PHEX: variants seen among roughly 807,000 people sequenced by gnomAD.
The protein encoded by PHEX is phosphate-regulating neutral endopeptidase PHEX.
PHEX carries 16 observed loss-of-function variants against 68.0 expected under a neutral mutation model. The observed-to-expected ratio is 0.24, with a 90% CI of 0.16 to 0.36. The LOEUF is 0.36. PHEX is among the 10% of genes least tolerant of loss of function. PHEX has a pLI of 1.00. For missense variants in PHEX, 480 were observed against 575.5 expected (o/e 0.83, Z 1.70); for synonymous variants, 208 against 205.1 (o/e 1.01, Z -0.12).
chrX:22,113,698 C>T lies in PHEX; in HGVS notation c.1174-760C>T, dbSNP rs756114749. On this transcript the variant is annotated intron_variant, in intron 10 of 21. Transcript: ENST00000379374. ...GGTCTGCCTTGTTGAGTGTGCTACTCGGAGCAAGGAAACCCTCACTGGGCA... is the reference window on the plus strand; with the variant it reads ...GGTCTGCCTTGTTGAGTGTGCTACTTGGAGCAAGGAAACCCTCACTGGGCA... Among the ~76,000 whole-genome samples the T allele has an allele frequency of 5.9e-4, 65 of 110,602 alleles. No homozygotes were observed. The South Asian group carries it at 0.022, about 38-fold the overall frequency.
intron 12 of PHEX, among the ~76,000 whole-genome samples, chrX:22,146,246 C>T (rs1317045322): frequency 2.7e-5 from 3 of 112,152 alleles, no homozygotes; most frequent in East Asian, 5.6e-4. Flanking sequence ...AGGGTAGCAC[C>T]TTACTAACTT....
At chrX:22,211,726 C>T (rs1226515038) in intron 15 of PHEX, among the ~76,000 whole-genome samples, 4 of 112,321 alleles carry the variant, frequency 3.6e-5, no homozygotes. Context: ...TAAAGACATA[C>T]CTGAGACTGG....
intron 15 of PHEX, among the ~76,000 whole-genome samples, chrX:22,200,581 T>C (rs7064385): frequency 1.9e-3 from 207 of 110,507 alleles, no homozygotes; most frequent in African/African-American, 6.5e-3. Context: ...TGTACTCCAG[T>C]CTGGGTGACA....
chrX:22,169,021 G>C (rs1404504142), intron 13 of PHEX, among the ~76,000 whole-genome samples: 2 of 111,462 alleles, frequency 1.8e-5, no homozygotes. Context: ...AAATAGTTCT[G>C]ATAAGTGATT....
intron 20 of PHEX, among the ~76,000 whole-genome samples, chrX:22,241,566 C>T (rs905946493): frequency 1.8e-5 from 2 of 110,999 alleles, no homozygotes; most frequent in South Asian, 3.8e-4. Context: ...ATGAAATAGA[C>T]GCAATAAAAA....
At chrX:22,122,007 G>C (rs1436468017) in intron 11 of PHEX, among the ~76,000 whole-genome samples, 1 of 111,725 alleles carries the variant, frequency 9.0e-6, no homozygotes, top group East Asian at 2.8e-4. Context: ...AGTGAGCTAA[G>C]ATAATTGAAT....
rs6633506 is a variant in PHEX, at chrX:22,033,628, T to C, written c.118+505T>C. Among the ~76,000 whole-genome samples, 674 of 112,280 alleles carry C rather than the reference T, an allele frequency of 6.0e-3. 7 individuals carry two copies. Among genetic ancestry groups the C allele is most frequent in the African/African-American group, 0.021 (635 of 30,930 alleles). On this transcript the variant is annotated intron_variant, in intron 1 of 21. Transcript: ENST00000379374. ...TTAATGATATTCTTCAATTCCTTTC[T>C]TATCCAGTGACTCTGGTGAGATGCA...
intron 15 of PHEX, among the ~76,000 whole-genome samples, chrX:22,197,435 C>G (rs1934401210): frequency 9.0e-6 from 1 of 110,939 alleles, no homozygotes; most frequent in Non-Finnish European, 1.9e-5. Flanking sequence ...ATAATGTTCA[C>G]TCTGGGGGAA....
chrX:22,154,898 T>C (rs1932916822), intron 12 of PHEX, among the ~76,000 whole-genome samples: 1 of 111,999 alleles, frequency 8.9e-6, no homozygotes, highest in African/African-American at 3.2e-5. Flanking sequence ...AAAAATGATA[T>C]GAAAATTCCC....
At chrX:22,206,546 A>G (rs1347975740) in intron 15 of PHEX, among the ~76,000 whole-genome samples, 1 of 111,608 alleles carries the variant, frequency 9.0e-6, no homozygotes, top group Admixed American at 9.6e-5. Context: ...GGTAAGTGTT[A>G]CGATGAGTTA....
intron 13 of PHEX, among the ~76,000 whole-genome samples, chrX:22,169,616 A>T (rs1933454298): frequency 8.9e-6 from 1 of 111,854 alleles, no homozygotes; most frequent in Non-Finnish European, 1.9e-5. Context: ...GGGATTCTTG[A>T]GGGTCCTTTT....
chrX:22,209,958 AAT>A (rs200498959), intron 15 of PHEX, among the ~76,000 whole-genome samples: 5 of 109,145 alleles, frequency 4.6e-5, no homozygotes, highest in African/African-American at 1.7e-4. Flanking sequence ...AAAAAAAATA[AAT>A]AAATAAAAAT....
chrX:22,127,052 A>G (rs2147078872), intron 11 of PHEX, among the ~76,000 whole-genome samples: 1 of 108,143 alleles, frequency 9.2e-6, no homozygotes, highest in Admixed American at 9.9e-5. Flanking sequence ...TTGTATTTTT[A>G]GTAGAGACAG....
intron 1 of PHEX, 27 bp downstream of exon 1, chrX:22,033,150 A>T: frequency 9.6e-7 from 1 of 1,041,776 alleles, no homozygotes; most frequent in Non-Finnish European, 1.3e-6. Flanking sequence ...AGGCCGGGGG[A>T]ACTGGGTGTG....
rs1324858093 is a variant in PHEX at position 22,241,403 on chromosome X, A to G, written c.2071-3930A>G. 2.7e-5 allele frequency among the ~76,000 whole-genome samples: 3 copies of G among 111,963 alleles called. No individual in the cohort carries two copies. In the Admixed American group the frequency reaches 2.8e-4, roughly 11 times the overall value. The stretch of plus-strand genomic sequence containing the variant: ...AGAGCAAACAAATTCAAAAGCCAGC[A>G]GAAAACAAGAAATAACTAAGATCAG... On this transcript the variant is annotated intron_variant, in intron 20 of 21. Transcript: ENST00000379374.
intron 2 of PHEX, among the ~76,000 whole-genome samples, chrX:22,040,343 C>G (rs1927217314): frequency 9.0e-6 from 1 of 111,276 alleles, no homozygotes; most frequent in Admixed American, 9.6e-5. Context: ...GCAATTAATA[C>G]AATGAGAAAA....
chrX:22,160,234 A>T (rs955363412), intron 12 of PHEX, among the ~76,000 whole-genome samples: 1 of 111,937 alleles, frequency 8.9e-6, no homozygotes, highest in South Asian at 3.7e-4. Context: ...CATATCTTGC[A>T]TAGCGGCAGG....
At chrX:22,221,065 C>T (rs981649413) in intron 17 of PHEX, among the ~76,000 whole-genome samples, 2 of 111,947 alleles carry the variant, frequency 1.8e-5, no homozygotes, top group Non-Finnish European at 3.8e-5. Flanking sequence ...ATGGGCCTTC[C>T]GTCCACACTA....
intron 15 of PHEX, among the ~76,000 whole-genome samples, chrX:22,211,806 G>A (rs1045879195): frequency 8.9e-6 from 1 of 112,284 alleles, no homozygotes; most frequent in Non-Finnish European, 1.9e-5. Flanking sequence ...CACAATTATC[G>A]TGGAAGATAA....
Sources: allele counts gnomAD v4.1 joint callset (sites outside exome capture counted in the v4.1 genomes callset), GRCh38; gene constraint gnomAD v4.1.1; transcripts MANE v1.5; gene names NCBI Gene and HGNC (gene_info 2026-07-23, HGNC 2026-07-21).